CAMK1D: variants seen among roughly 807,000 people sequenced by gnomAD.
CAMK1D encodes the protein calcium/calmodulin-dependent protein kinase type 1D.
CAMK1D carries 9 observed loss-of-function variants against 47.7 expected under a neutral mutation model. The ratio of observed to expected loss-of-function variants is 0.19; its 90% CI spans 0.11 to 0.33. The LOEUF is 0.33. Ranked by LOEUF, CAMK1D falls within the 10% of genes least tolerant of loss-of-function variation. CAMK1D has a pLI of 1.00. For missense variants in CAMK1D, 291 were observed against 488.7 expected, an observed-to-expected ratio of 0.60 and a Z score of 3.81; for synonymous variants, 184 against 184.9, an observed-to-expected ratio of 0.99 and a Z score of 0.04.
At chr10:12,789,930 T>C (rs2482045) in intron 5 of CAMK1D, among the ~76,000 whole-genome samples, 1,660 of 152,392 alleles carry the variant, frequency 0.011, 29 homozygotes, top group African/African-American at 0.036. Flanking sequence ...CTGCCTCTTC[T>C]TGTATTTTTC....
chr10:12,479,793 A>G (rs1834009200), intron 1 of CAMK1D, among the ~76,000 whole-genome samples: 1 of 152,218 alleles, frequency 6.6e-6, no homozygotes, highest in Non-Finnish European at 1.5e-5. Context: ...ACCAAGGCAA[A>G]GGGACGGGGC....
At chr10:12,563,690 A>AGAGAGAGAGAGAGAGAGAGAGAGAGAGG (rs1564414460) in intron 2 of CAMK1D, among the ~76,000 whole-genome samples, 1 of 72,136 alleles carries the variant, frequency 1.4e-5, no homozygotes, top group Non-Finnish European at 3.9e-5. Context: ...AGAGAGAGAG[A>AGAGAGAGAGAGAGAGAGAGAGAGAGAGG]GAGAGAGAGG....
intron 1 of CAMK1D, among the ~76,000 whole-genome samples, chr10:12,375,812 C>T (rs1838160720): frequency 6.6e-6 from 1 of 152,068 alleles, no homozygotes; most frequent in Non-Finnish European, 1.5e-5. Context: ...TTTACCCTTA[C>T]AGATTGTGCT....
intron 2 of CAMK1D, among the ~76,000 whole-genome samples, chr10:12,604,485 C>T (rs1003757302): frequency 1.3e-5 from 2 of 152,210 alleles, no homozygotes; most frequent in Admixed American, 6.5e-5. Context: ...TCACCCGAGA[C>T]GCCATCAGGG....
chr10:12,585,692 T>C (rs1339084146), intron 2 of CAMK1D, among the ~76,000 whole-genome samples: 2 of 152,078 alleles, frequency 1.3e-5, no homozygotes, highest in East Asian at 3.9e-4. Context: ...GAGAACAGTA[T>C]GGGGGAAACC....
At chr10:12,596,349 G>A (rs1462567864) in intron 2 of CAMK1D, among the ~76,000 whole-genome samples, 2 of 152,096 alleles carry the variant, frequency 1.3e-5, no homozygotes, top group Non-Finnish European at 2.9e-5. Flanking sequence ...GCATTTATTT[G>A]ATTGGCTCCA....
intron 1 of CAMK1D, among the ~76,000 whole-genome samples, chr10:12,431,010 A>G (rs1312655256): frequency 3.9e-5 from 6 of 152,232 alleles, no homozygotes; most frequent in Admixed American, 3.9e-4. Flanking sequence ...TTGGCCTCCC[A>G]AAGTGCTGGG....
intron 2 of CAMK1D, among the ~76,000 whole-genome samples, chr10:12,659,119 A>G (rs1301755144): frequency 2.6e-5 from 4 of 152,100 alleles, no homozygotes; most frequent in Admixed American, 1.3e-4. Flanking sequence ...TAGGATTATC[A>G]ACAGCTGGCA....
rs142232637 is a variant in CAMK1D, at chr10:12,703,022, G to A, written c.299+36212G>A. On this transcript the variant is annotated intron_variant, in intron 3 of 10. Coordinates refer to ENST00000619168, the MANE Select transcript of CAMK1D (RefSeq NM_153498.4). Reference sequence around the variant, plus strand: ...GCTTAGTATGTAAAAGGGATGCCCAGTGTTACATTACAGTAGGTCAGAGTT... The same window carrying A: ...GCTTAGTATGTAAAAGGGATGCCCAATGTTACATTACAGTAGGTCAGAGTT... 2.0e-5 allele frequency among the ~76,000 whole-genome samples: 3 copies of A among 152,348 alleles called. No individual in the cohort carries two copies. The East Asian group carries it at 5.8e-4, about 29-fold the overall frequency.
rs1564597031 is a variant in CAMK1D, at chr10:12,830,955, ACACACACAC to A, written c.*2069_*2077del. On this transcript the variant is annotated 3_prime_UTR_variant, in exon 11 of 11. Transcript: ENST00000619168. ...CACACACACACACACACACACACAC[ACACACACAC>A]AATGTTATTAGGCACAGCAGCTCCA... 2.8e-3 allele frequency: 429 copies of A among 150,558 alleles called. 6 individuals are homozygous for A. The highest frequency in any genetic ancestry group is 0.011 in the African/African-American group (415 of 37,668). The allele number at this position is 150,558 out of a possible 1,614,324, so 9.3% of individuals were successfully genotyped here.
intron 6 of CAMK1D, among the ~76,000 whole-genome samples, chr10:12,805,769 G>A (rs1417839541): frequency 6.6e-6 from 1 of 152,186 alleles, no homozygotes; most frequent in Non-Finnish European, 1.5e-5. Flanking sequence ...AGTCAGGTTG[G>A]GGTGGCAGTC....
At chr10:12,409,773 G>T (rs1255016112) in intron 1 of CAMK1D, among the ~76,000 whole-genome samples, 1 of 152,166 alleles carries the variant, frequency 6.6e-6, no homozygotes, top group Non-Finnish European at 1.5e-5. Flanking sequence ...TACGTCCACA[G>T]CATTGTGCAA....
chr10:12,739,275 C>T (rs114767764), intron 3 of CAMK1D, among the ~76,000 whole-genome samples: 2,837 of 151,618 alleles, frequency 0.019, 63 homozygotes, highest in African/African-American at 0.055. Context: ...GAGATAGATA[C>T]GTTCCCCTCT....
intron 1 of CAMK1D, among the ~76,000 whole-genome samples, chr10:12,491,402 A>G (rs1309379282): frequency 1.3e-5 from 2 of 152,162 alleles, no homozygotes; most frequent in African/African-American, 4.8e-5. Context: ...TTAGAAAATG[A>G]CTGCTGCCTC....
intron 1 of CAMK1D, among the ~76,000 whole-genome samples, chr10:12,400,473 G>A (rs186093986): frequency 1.1e-3 from 164 of 152,296 alleles, no homozygotes; most frequent in African/African-American, 3.7e-3. Context: ...CAGAAGAGGA[G>A]TGCAGAGTTT....
At position 12,353,573 on chromosome 10, in the gene CAMK1D, A is replaced by C. The variant is rs1247337857; in HGVS notation, c.92+3663A>C. On this transcript the variant is annotated intron_variant, in intron 1 of 10. Transcript: ENST00000619168. ...GTGAAGGTTGGCCCAGGAGGGTGGA[A>C]AATGAGATTGAGGAAGCAAAGAGCA... 5.9e-5 allele frequency among the ~76,000 whole-genome samples: 9 copies of C among 152,240 alleles called. No individual in the cohort carries two copies. In the East Asian group the frequency reaches 1.7e-3, roughly 29 times the overall value.
intron 6 of CAMK1D, among the ~76,000 whole-genome samples, chr10:12,796,353 T>C (rs1390820809): frequency 3.3e-5 from 5 of 152,216 alleles, no homozygotes; most frequent in Non-Finnish European, 4.4e-5. Context: ...CTCCACTTTC[T>C]TTAGTGAGCC....
chr10:12,697,025 A>C (rs1833324784), intron 3 of CAMK1D, among the ~76,000 whole-genome samples: 1 of 152,194 alleles, frequency 6.6e-6, no homozygotes, highest in East Asian at 1.9e-4. Flanking sequence ...AGGAGAAAAA[A>C]ATGACACTAA....
At chr10:12,623,685 T>A (rs1588702651) in intron 2 of CAMK1D, among the ~76,000 whole-genome samples, 1 of 151,840 alleles carries the variant, frequency 6.6e-6, no homozygotes, top group Non-Finnish European at 1.5e-5. Flanking sequence ...TTAGGCTGAG[T>A]GACACACATT....
Sources: allele counts gnomAD v4.1 joint callset (sites outside exome capture counted in the v4.1 genomes callset), GRCh38; gene constraint gnomAD v4.1.1; transcripts MANE v1.5; gene names NCBI Gene and HGNC (gene_info 2026-07-23, HGNC 2026-07-21).